STRADA: variants seen among roughly 807,000 people sequenced by gnomAD.
STRADA encodes the protein STE20 related adaptor alpha.
A neutral mutation model predicts 55.0 loss-of-function variants in STRADA; 26 were observed. The observed-to-expected ratio is 0.47, with a 90% confidence interval of 0.35 to 0.66. The LOEUF (loss-of-function observed/expected upper bound fraction) is 0.66. Ranked by LOEUF, STRADA falls within the 30% of genes least tolerant of loss-of-function variation. The pLI is 0.01. For synonymous variants in STRADA, 197 were observed against 210.9 expected (o/e 0.93, Z 0.57); for missense variants, 443 against 549.7 (o/e 0.81, Z 1.94).
chr17:63,723,316 C>T lies in STRADA; in HGVS notation c.105G>A (p.Pro35=), dbSNP rs770321668. Reference sequence around the variant, plus strand: ...CACTTACTTTTCTCCGAGTGTCACCCGGAGGCTGCTCTGGGGTAGAGAAAT... The same window carrying T: ...CACTTACTTTTCTCCGAGTGTCACCTGGAGGCTGCTCTGGGGTAGAGAAAT... The part of the protein sequence containing the change: ...RDLELFGEQP[P]GDTRRKTNDA... Residue 35 remains proline (P), a synonymous_variant, in exon 4 of 13, where the codon CCG becomes CCA. Transcript: ENST00000336174. 10 of 1,614,116 alleles carry T rather than the reference C, an allele frequency of 6.2e-6. No individual in the cohort carries two copies. The highest frequency in any genetic ancestry group is 1.1e-5 in the South Asian group (1 of 91,082).
At chr17:63,725,730 CGCGATCTCCGCTCATTGCA>C (rs2037607910) in intron 3 of STRADA, 1 of 151,462 alleles carries the variant, frequency 6.6e-6, no homozygotes, top group African/African-American at 2.4e-5. Context: ...AGTGCAGTGG[CGCGATCTCCGCTCATTGCA>C]AGCTCCGCCT....
intron 6 of STRADA, 34 bp downstream of exon 6, chr17:63,713,372 C>A: frequency 1.9e-6 from 3 of 1,604,472 alleles, no homozygotes; most frequent in Non-Finnish European, 2.6e-6. Flanking sequence ...AAGAGCCCAC[C>A]CTCCCTCCAT....
intron 4 of STRADA, among the ~76,000 whole-genome samples, chr17:63,720,834 C>T (rs1355767156): frequency 3.3e-5 from 5 of 151,520 alleles, no homozygotes; most frequent in South Asian, 2.1e-4. Context: ...TGGTGGCTCA[C>T]GCCTGTAATC....
chr17:63,704,031 G>C lies in STRADA; in HGVS notation c.1117C>G (p.Leu373Val). ...NPDARPSAST[L>V]LNHSFFKQIK... is the part of the protein sequence containing the mutation. ...TGCTTGAAGAAAGAGTGGTTCAGGA[G>C]GGTGCTGGCACTGGGCCTGGAGGGA... Residue 373 changes from leucine (L) to valine (V), a missense_variant, in exon 12 of 13, where the codon CTC becomes GTC. By Grantham distance (32) the Leu-to-Val change is conservative. Coordinates refer to ENST00000336174, the MANE Select transcript of STRADA (RefSeq NM_001003787.4). 6.2e-7 allele frequency: 1 copy of C among 1,614,100 alleles called. No individual in the cohort carries two copies. The highest frequency in any genetic ancestry group is 8.5e-7 in the Non-Finnish European group (1 of 1,179,988).
intron 2 of STRADA, chr17:63,727,674 G>A (rs1030762476): frequency 6.6e-6 from 1 of 152,064 alleles, no homozygotes; most frequent in Admixed American, 6.6e-5. Context: ...TATATGCACT[G>A]CATCAAAAAA....
chr17:63,718,856 G>C (rs751440030), intron 4 of STRADA: 5 of 152,092 alleles, frequency 3.3e-5, no homozygotes, highest in Non-Finnish European at 7.4e-5. Context: ...AGTAAACTAG[G>C]CTCCTGGTCA....
At chr17:63,710,988 A>G in intron 6 of STRADA, 152 bp from the exon 7 acceptor site, 1 of 652,564 alleles carries the variant, frequency 1.5e-6, no homozygotes, top group Non-Finnish European at 2.6e-6. Flanking sequence ...CTGCCAACAT[A>G]GGAAAAACAA....
At chr17:63,733,574 T>C (rs2038218625) in intron 1 of STRADA, among the ~76,000 whole-genome samples, 2 of 152,350 alleles carry the variant, frequency 1.3e-5, no homozygotes, top group South Asian at 2.1e-4. Context: ...GAAGGGTTAA[T>C]ATAGCAGGCC....
At chr17:63,707,125 T>A in intron 9 of STRADA, 122 bp downstream of exon 9, 2 of 1,282,672 alleles carry the variant, frequency 1.6e-6, no homozygotes, top group Non-Finnish European at 2.2e-6. Context: ...GAGGGCTCCC[T>A]CCCTCCAGGA....
At chr17:63,720,071 G>A (rs567386651) in intron 4 of STRADA, among the ~76,000 whole-genome samples, 1 of 151,420 alleles carries the variant, frequency 6.6e-6, no homozygotes, top group South Asian at 2.1e-4. Flanking sequence ...ACCCAGGCTG[G>A]AGTACAGTGG....
intron 8 of STRADA, among the ~76,000 whole-genome samples, chr17:63,708,873 T>C (rs1251239665): frequency 1.3e-5 from 2 of 152,238 alleles, no homozygotes; most frequent in Non-Finnish European, 2.9e-5. Context: ...TTTTAATCTG[T>C]ACTTCTTATC....
At chr17:63,710,644 A>G (rs1160255347) in intron 7 of STRADA, 30 bp from the exon 8 acceptor site, 1 of 1,614,110 alleles carries the variant, frequency 6.2e-7, no homozygotes, top group East Asian at 2.2e-5. Flanking sequence ...GGAGGCAGTG[A>G]AAGGTAATGG....
intron 4 of STRADA, among the ~76,000 whole-genome samples, chr17:63,716,633 C>T (rs1380995484): frequency 6.6e-6 from 1 of 152,104 alleles, no homozygotes; most frequent in Non-Finnish European, 1.5e-5. Flanking sequence ...CCACGGAACT[C>T]TGATTCTGCC....
chr17:63,722,255 C>T (rs1229388209), intron 4 of STRADA, among the ~76,000 whole-genome samples: 1 of 152,110 alleles, frequency 6.6e-6, no homozygotes, highest in Admixed American at 6.6e-5. Flanking sequence ...CCAGAAATGA[C>T]CATAAAATAA....
chr17:63,727,555 C>A (rs1296723805), intron 2 of STRADA: 1 of 152,142 alleles, frequency 6.6e-6, no homozygotes, highest in African/African-American at 2.4e-5. Flanking sequence ...AAATAAGTTG[C>A]ATGATACAGA....
In STRADA at chr17:63,740,147, TAC is replaced by T. The variant is rs57585655; in HGVS notation, c.-45+1592_-45+1593del. 9.1e-3 allele frequency among the ~76,000 whole-genome samples: 611 copies of T among 66,948 alleles called. 40 individuals carry two copies. Among genetic ancestry groups the T allele is most frequent in the African/African-American group, 0.025 (369 of 14,492 alleles). 43.9% of individuals were successfully genotyped at this position (66,948 alleles called of 152,430 possible). ...ATATATACACATACATATATATATA[TAC>T]ACACACACACACACACACACACACA... On this transcript the variant is annotated intron_variant, in intron 1 of 12. Coordinates refer to ENST00000336174, the MANE Select transcript of STRADA (RefSeq NM_001003787.4).
At position 63,706,797 on chromosome 17, in the gene STRADA, G is replaced by A. The variant is rs577937860; in HGVS notation, c.754-58C>T. 13 of 1,372,276 alleles carry A rather than the reference G, an allele frequency of 9.5e-6. No individual in the cohort carries two copies. In the Middle Eastern group the frequency reaches 7.2e-4, roughly 76 times the overall value. 85.0% of individuals were successfully genotyped at this position (1,372,276 alleles called of 1,614,324 possible). On this transcript the variant is annotated intron_variant, in intron 9 of 12. Transcript: ENST00000336174. Reference sequence around the variant, plus strand: ...CATTTGGTCTTTGTTCTTAGAAAAAGGGTAGAACTAAAGAGAGGAAAAGGA... The same window carrying A: ...CATTTGGTCTTTGTTCTTAGAAAAAAGGTAGAACTAAAGAGAGGAAAAGGA...
At chr17:63,711,012 C>T (rs2036464164) in intron 6 of STRADA, 176 bp from the exon 7 acceptor site, 2 of 605,504 alleles carry the variant, frequency 3.3e-6, no homozygotes, top group South Asian at 2.0e-5. Context: ...CCTGCTGCCT[C>T]TGCAGGGACC....
chr17:63,725,323 T>G (rs1003939425), intron 3 of STRADA, among the ~76,000 whole-genome samples: 1 of 152,224 alleles, frequency 6.6e-6, no homozygotes, highest in African/African-American at 2.4e-5. Flanking sequence ...TCTGATAATC[T>G]GTTTTTTAAA....
Sources: gnomAD v4.1 joint callset for allele counts (sites outside exome capture counted in the v4.1 genomes callset) on GRCh38, gnomAD v4.1.1 for gene constraint, MANE v1.5 for transcripts, NCBI Gene and HGNC (gene_info 2026-07-23, HGNC 2026-07-21) for gene names.